Variants in PRTG observed in about 807,000 individuals in gnomAD.
PRTG encodes the protein immunoglobulin superfamily, DCC subclass, member 5.
PRTG carries 67 observed loss-of-function variants against 122.5 expected under a neutral mutation model. The observed-to-expected ratio is 0.55, with a 90% CI of 0.45 to 0.67. The LOEUF is 0.67. PRTG is among the 30% of genes least tolerant of loss of function. The pLI is 0.00. For missense variants in PRTG, 1,435 were observed against 1,415.4 expected (o/e 1.01, Z -0.22); for synonymous variants, 554 against 501.1 (o/e 1.11, Z -1.41).
chr15:55,735,522 C>T (rs539686949), intron 2 of PRTG, among the ~76,000 whole-genome samples: 24 of 151,596 alleles, frequency 1.6e-4, no homozygotes, highest in Admixed American at 1.2e-3. Flanking sequence ...GACAACAAAT[C>T]CCAGAGCAAA....
rs569850630 is a variant in PRTG at position 55,664,072 on chromosome 15, C to G, written c.2041+8373G>C. ...CATTTAGGTTGTTTTCAGGTTTTGG[C>G]AACTGTGAATAGAGCTATACATTTG... On this transcript the variant is annotated intron_variant, in intron 11 of 19. Coordinates refer to ENST00000389286, the MANE Select transcript of PRTG (RefSeq NM_173814.6). Among the ~76,000 whole-genome samples, 6 of 152,278 alleles carry G rather than the reference C, an allele frequency of 3.9e-5. No homozygotes were observed. The South Asian group carries it at 1.2e-3, about 32-fold the overall frequency.
At chr15:55,662,044 G>C (rs965743851) in intron 11 of PRTG, among the ~76,000 whole-genome samples, 1 of 151,804 alleles carries the variant, frequency 6.6e-6, no homozygotes, top group Non-Finnish European at 1.5e-5. Flanking sequence ...AAAGGTCCAG[G>C]AAAAAAAACT....
rs981729792 is a variant in PRTG, at chr15:55,620,120, T to G, written c.3345A>C (p.Ala1115=). The G allele has an allele frequency of 1.2e-6, 2 of 1,614,230 alleles. No individual in the cohort carries two copies. Among genetic ancestry groups the G allele is most frequent in the Non-Finnish European group, 1.7e-6 (2 of 1,180,036 alleles). The change falls in exon 20 of 20, where the codon GCA becomes GCC. Residue 1115 remains alanine (A), a synonymous_variant. Transcript: ENST00000389286. The part of the protein sequence containing the change: ...FGVAADTEHS[A]NSEGSHETGD... ...CAGTCTCATGGCTGCCTTCACTATTTGCTGAATGTTCTGTATCAGCTGCAA... is the reference window on the plus strand; with the variant it reads ...CAGTCTCATGGCTGCCTTCACTATTGGCTGAATGTTCTGTATCAGCTGCAA...
At chr15:55,673,275 AAAAC>A in intron 10 of PRTG, 92 bp downstream of exon 10, 1 of 949,996 alleles carries the variant, frequency 1.1e-6, no homozygotes, top group Non-Finnish European at 1.5e-6. Context: ...TTTTATTTGT[AAAAC>A]AAAATTTAAA....
In PRTG at chr15:55,742,823, A is replaced by G; in HGVS notation, c.94+15T>C. ...CCCCACAGCGGTAAGAGAAAGCAGA[A>G]GAAAGCGCGCCCACCTGGCAAAGGA... On this transcript the variant is annotated intron_variant, in intron 1 of 19. Transcript: ENST00000389286. 6 of 1,541,318 alleles carry G rather than the reference A, an allele frequency of 3.9e-6. No individual in the cohort carries two copies. Among genetic ancestry groups the G allele is most frequent in the Non-Finnish European group, 5.3e-6 (6 of 1,142,350 alleles).
At chr15:55,720,234 G>A (rs928240525) in intron 2 of PRTG, among the ~76,000 whole-genome samples, 3 of 151,724 alleles carry the variant, frequency 2.0e-5, no homozygotes, top group African/African-American at 7.3e-5. Context: ...CAAAGATTTA[G>A]CCGGGCTACT....
At chr15:55,700,659 C>T (rs992391682) in intron 2 of PRTG, among the ~76,000 whole-genome samples, 4 of 151,918 alleles carry the variant, frequency 2.6e-5, no homozygotes, top group Non-Finnish European at 5.9e-5. Context: ...TGTGTGCCTG[C>T]GCTCCCAGAT....
At chr15:55,682,543 A>ATTTTATTTATT (rs751969230) in intron 3 of PRTG, 46 bp from the exon 4 acceptor site, 7 of 415,798 alleles carry the variant, frequency 1.7e-5, no homozygotes, top group Middle Eastern at 1.1e-3. Flanking sequence ...TAGATTTCAT[A>ATTTTATTTATT]TTTTATTTAT....
intron 7 of PRTG, among the ~76,000 whole-genome samples, chr15:55,678,320 C>T (rs1251620794): frequency 1.3e-5 from 2 of 152,236 alleles, no homozygotes; most frequent in East Asian, 1.9e-4. Flanking sequence ...CAGCTCACTG[C>T]GGCCTCAAAC....
At chr15:55,663,739 A>G (rs916044283) in intron 11 of PRTG, among the ~76,000 whole-genome samples, 1 of 151,986 alleles carries the variant, frequency 6.6e-6, no homozygotes, top group Admixed American at 6.6e-5. Context: ...ACAGGGTTTC[A>G]CCACGTTGGC....
intron 11 of PRTG, among the ~76,000 whole-genome samples, chr15:55,667,346 T>C (rs2141783813): frequency 6.6e-6 from 1 of 152,256 alleles, no homozygotes; most frequent in Admixed American, 6.5e-5. Flanking sequence ...ACTATCTTAA[T>C]GTAATAGTAT....
intron 11 of PRTG, among the ~76,000 whole-genome samples, chr15:55,646,503 T>C (rs1408910778): frequency 6.6e-6 from 1 of 151,562 alleles, no homozygotes; most frequent in Admixed American, 6.6e-5. Flanking sequence ...TTTGTATTTT[T>C]AGTAGAGACG....
At chr15:55,663,668 A>T (rs1405467027) in intron 11 of PRTG, among the ~76,000 whole-genome samples, 1 of 151,692 alleles carries the variant, frequency 6.6e-6, no homozygotes, top group East Asian at 2.0e-4. Flanking sequence ...CAGCCTCCGA[A>T]GCAGCTGGGA....
chr15:55,623,849 G>A (rs1024424322), intron 18 of PRTG, among the ~76,000 whole-genome samples: 6 of 152,130 alleles, frequency 3.9e-5, no homozygotes, highest in African/African-American at 1.4e-4. Flanking sequence ...GCCATAAAAC[G>A]AAGGATCTTG....
At chr15:55,622,815 C>T (rs1023669310) in intron 18 of PRTG, among the ~76,000 whole-genome samples, 2 of 152,014 alleles carry the variant, frequency 1.3e-5, no homozygotes, top group South Asian at 2.1e-4. Flanking sequence ...GAATTACAGG[C>T]GTGAACCACC....
intron 15 of PRTG, among the ~76,000 whole-genome samples, chr15:55,629,396 TGTGTGTGTGTG>T (rs1167411376): frequency 1.8e-5 from 2 of 110,682 alleles, no homozygotes; most frequent in African/African-American, 9.3e-5. Context: ...TGTGTGTGTG[TGTGTGTGTGTG>T]TGTGTGTGTG....
In PRTG at chr15:55,677,865, G is replaced by T. The variant is rs2059511770; in HGVS notation, c.1313C>A (p.Ala438Asp). The T allele has an allele frequency of 6.2e-7, 1 of 1,613,778 alleles. No homozygotes were observed. The highest frequency in any genetic ancestry group is 8.5e-7 in the Non-Finnish European group (1 of 1,179,788). ...ETMSSSAILL[A>D]WERPLYNSDK... ...TGAATTATAAAGTGGCCTCTCCCAG[G>T]CTAAAAGAATGGCTGAGCTTGACAT... is the stretch of plus-strand genomic sequence containing the variant. Residue 438 changes from alanine to aspartate, a missense_variant, in exon 8 of 20, where the codon GCC (alanine) becomes GAC (aspartate). By Grantham distance (126) the Ala-to-Asp change is moderately radical (BLOSUM62 -2). Coordinates refer to ENST00000389286, the MANE Select transcript of PRTG (RefSeq NM_173814.6).
intron 19 of PRTG, among the ~76,000 whole-genome samples, 153 bp downstream of exon 19, chr15:55,620,510 G>A (rs1595597490): frequency 2.0e-5 from 3 of 152,108 alleles, no homozygotes; most frequent in Admixed American, 6.5e-5. Flanking sequence ...CATTCACCTC[G>A]CTCTCCACAG....
At position 55,662,287 on chromosome 15, in the gene PRTG, G is replaced by A. The variant is rs1269396634; in HGVS notation, c.2041+10158C>T. Among the ~76,000 whole-genome samples, 7 of 152,154 alleles carry A rather than the reference G, an allele frequency of 4.6e-5. No individual in the cohort carries two copies. The South Asian group carries it at 6.2e-4, about 14-fold the overall frequency. ...CAAGTAAAAGGTATTTCTTCTCTCC[G>A]GCAGCACTGTTATTTTAATATTGTT... is the stretch of plus-strand genomic sequence containing the variant. On this transcript the variant is annotated intron_variant, in intron 11 of 19. Coordinates refer to ENST00000389286, the MANE Select transcript of PRTG (RefSeq NM_173814.6).
Sources: allele counts gnomAD v4.1 joint callset (sites outside exome capture counted in the v4.1 genomes callset), GRCh38; gene constraint gnomAD v4.1.1; transcripts MANE v1.5; gene names NCBI Gene and HGNC (gene_info 2026-07-23, HGNC 2026-07-21).